The following DLGAP2 variants were observed in gnomAD, a reference collection of about 807,000 sequenced individuals.
The protein encoded by DLGAP2 is disks large-associated protein 2.
DLGAP2 carries 26 observed loss-of-function variants against 100.3 expected under a neutral mutation model. The ratio of observed to expected loss-of-function variants is 0.26; its 90% CI spans 0.19 to 0.36. DLGAP2 has a LOEUF of 0.36. Among genes scored for constraint, DLGAP2 ranks in the 10% least tolerant of loss-of-function variants. The pLI, the probability that DLGAP2 is intolerant of heterozygous loss-of-function variation, is 1.00. For missense variants in DLGAP2, 1,858 were observed against 1,453.2 expected (o/e 1.28, Z -4.53); for synonymous variants, 886 against 630.1 (o/e 1.41, Z -6.08).
intron 2 of DLGAP2, among the ~76,000 whole-genome samples, chr8:1,148,549 A>G (rs117627799): frequency 0.018 from 2,114 of 114,612 alleles, 16 homozygotes; most frequent in Non-Finnish European, 0.027. Context: ...ATCTTCTAAT[A>G]TATGAACTTA....
At chr8:905,787 T>G (rs1798366572) in intron 1 of DLGAP2, among the ~76,000 whole-genome samples, 1 of 152,084 alleles carries the variant, frequency 6.6e-6, no homozygotes, top group Non-Finnish European at 1.5e-5. Flanking sequence ...GACCATAGCT[T>G]GGGGTCCCAG....
At chr8:1,699,010 G>T (rs1008317351) in intron 14 of DLGAP2, among the ~76,000 whole-genome samples, 5 of 152,246 alleles carry the variant, frequency 3.3e-5, no homozygotes, top group African/African-American at 1.2e-4. Context: ...CCATGTGTGG[G>T]ACTAGACAGG....
intron 3 of DLGAP2, among the ~76,000 whole-genome samples, chr8:1,289,765 C>T (rs771683797): frequency 2.0e-5 from 3 of 152,192 alleles, no homozygotes; most frequent in Non-Finnish European, 4.4e-5. Flanking sequence ...CCCGCGAATG[C>T]AGGAATTGCT....
intron 8 of DLGAP2, among the ~76,000 whole-genome samples, chr8:1,660,398 C>T (rs948120385): frequency 6.6e-6 from 1 of 152,170 alleles, no homozygotes; most frequent in African/African-American, 2.4e-5. Context: ...ATTCAGAATG[C>T]ATGAGGGATT....
chr8:967,682 T>C (rs1799904938), intron 2 of DLGAP2, among the ~76,000 whole-genome samples: 1 of 147,374 alleles, frequency 6.8e-6, no homozygotes, highest in Admixed American at 6.7e-5. Context: ...CAAATACCTA[T>C]GTACATTTAT....
At chr8:1,587,803 G>T (rs1796170388) in intron 6 of DLGAP2, among the ~76,000 whole-genome samples, 1 of 152,244 alleles carries the variant, frequency 6.6e-6, no homozygotes, top group South Asian at 2.1e-4. Flanking sequence ...TTGGTAGGGA[G>T]TTCGGTTGAG....
intron 1 of DLGAP2, among the ~76,000 whole-genome samples, chr8:870,488 C>T (rs1008235170): frequency 6.6e-6 from 1 of 152,158 alleles, no homozygotes; most frequent in Non-Finnish European, 1.5e-5. Flanking sequence ...ATTCAAATTT[C>T]CTGCACTTTC....
Position 1,026,194 on chromosome 8 carries a change from G to A in DLGAP2, c.73+118228G>A, listed in dbSNP as rs138241742. ...GAATCGTTGTCACCTCATCCAGGAC[G>A]TGCCTCACGATCGTGCTGTCTCGTT... On this transcript the variant is annotated intron_variant, in intron 2 of 14. Coordinates refer to ENST00000637795, the MANE Select transcript of DLGAP2 (RefSeq NM_001346810.2). Among the ~76,000 whole-genome samples the A allele has an allele frequency of 2.6e-5, 4 of 152,280 alleles. No individual in the cohort carries two copies. The East Asian group carries it at 5.8e-4, about 22-fold the overall frequency.
At chr8:1,303,437 A>AGAGGAGT (rs1473954945) in intron 3 of DLGAP2, among the ~76,000 whole-genome samples, 2 of 150,250 alleles carry the variant, frequency 1.3e-5, no homozygotes, top group Non-Finnish European at 3.0e-5. Flanking sequence ...AGGAAGGAGA[A>AGAGGAGT]GAGGAGTGTT....
rs746897419 is a variant in DLGAP2 at position 972,400 on chromosome 8, C to T, written c.73+64434C>T. On this transcript the variant is annotated intron_variant, in intron 2 of 14. Coordinates refer to ENST00000637795, the MANE Select transcript of DLGAP2 (RefSeq NM_001346810.2). ...CTAATGGAAAAAAAGTGGACACTGA[C>T]AAGAACAGATGAGTGATATAAGCAA... is the stretch of plus-strand genomic sequence containing the variant. 8.5e-5 allele frequency among the ~76,000 whole-genome samples: 13 copies of T among 152,108 alleles called. No individual in the cohort carries two copies. The South Asian group carries it at 2.1e-3, about 24-fold the overall frequency.
intron 1 of DLGAP2, among the ~76,000 whole-genome samples, chr8:809,262 C>T (rs1475760512): frequency 1.3e-5 from 2 of 152,022 alleles, no homozygotes; most frequent in African/African-American, 2.4e-5. Context: ...GGGCACACTT[C>T]GATGATTTAC....
chr8:1,533,667 T>C (rs1801060986), intron 4 of DLGAP2, among the ~76,000 whole-genome samples: 1 of 152,220 alleles, frequency 6.6e-6, no homozygotes, highest in South Asian at 2.1e-4. Flanking sequence ...TGAGTTTCTG[T>C]CATCTTAAAA....
intron 8 of DLGAP2, among the ~76,000 whole-genome samples, chr8:1,653,903 T>C (rs1798223895): frequency 6.6e-6 from 1 of 152,206 alleles, no homozygotes; most frequent in Non-Finnish European, 1.5e-5. Flanking sequence ...CGGTCTTAAC[T>C]CTTGTCAGTT....
intron 7 of DLGAP2, among the ~76,000 whole-genome samples, chr8:1,630,872 CCGAGGG>C (rs1797624124): frequency 6.6e-6 from 1 of 151,694 alleles, no homozygotes; most frequent in African/African-American, 2.4e-5. Flanking sequence ...AGCTCATGTC[CCGAGGG>C]TCTCGGCGGG....
chr8:1,695,902 G>A (rs748924745), intron 13 of DLGAP2, among the ~76,000 whole-genome samples: 2 of 152,326 alleles, frequency 1.3e-5, no homozygotes, highest in East Asian at 3.9e-4. Flanking sequence ...CGCTGGCCAG[G>A]GCCGCCCTCC....
chr8:968,804 C>T (rs768364216), intron 2 of DLGAP2, among the ~76,000 whole-genome samples: 5 of 152,272 alleles, frequency 3.3e-5, no homozygotes, highest in Non-Finnish European at 5.9e-5. Context: ...TGCGACTCCA[C>T]GTATAATGAG....
Position 792,912 on chromosome 8 carries a change from C to T in DLGAP2, c.18+55087C>T, listed in dbSNP as rs573896769. On this transcript the variant is annotated intron_variant, in intron 1 of 14. Transcript: ENST00000637795. ...GGGCTGAGTGTGTTTTCACTTCCCA[C>T]GCATTTCTATTGTGCTTTTCTATCA... 3.3e-5 allele frequency among the ~76,000 whole-genome samples: 5 copies of T among 152,282 alleles called. No homozygotes were observed. In the South Asian group the frequency reaches 6.2e-4, roughly 19 times the overall value.
chr8:1,360,677 G>A (rs1300558594), intron 3 of DLGAP2, among the ~76,000 whole-genome samples: 2 of 152,180 alleles, frequency 1.3e-5, no homozygotes, highest in Non-Finnish European at 2.9e-5. Flanking sequence ...CTCAGAGACC[G>A]AGAAACACAC....
rs6984238 is a variant in DLGAP2, at chr8:1,493,776, C to T, written c.107-7590C>T. 7.7e-3 allele frequency among the ~76,000 whole-genome samples: 1,167 copies of T among 152,276 alleles called. 16 individuals carry two copies. The highest frequency in any genetic ancestry group is 0.026 in the African/African-American group (1,090 of 41,550). ...GCTGGCTCCTGTAGAGAAGCTGGGGCGGGCGGTGGGCACGTCAGGGGTAGA... is the reference window on the plus strand; with the variant it reads ...GCTGGCTCCTGTAGAGAAGCTGGGGTGGGCGGTGGGCACGTCAGGGGTAGA... On this transcript the variant is annotated intron_variant, in intron 3 of 14. Coordinates refer to ENST00000637795, the MANE Select transcript of DLGAP2 (RefSeq NM_001346810.2).
Sources: allele counts gnomAD v4.1 joint callset (sites outside exome capture counted in the v4.1 genomes callset), GRCh38; gene constraint gnomAD v4.1.1; transcripts MANE v1.5; gene names NCBI Gene and HGNC (gene_info 2026-07-23, HGNC 2026-07-21).